ASH1L: variants seen among roughly 807,000 people sequenced by gnomAD.
ASH1L encodes the protein histone-lysine N-methyltransferase ASH1L.
ASH1L carries 23 observed loss-of-function variants against 269.0 expected under a neutral mutation model. The observed-to-expected ratio is 0.09, with a 90% CI of 0.06 to 0.12. The LOEUF (loss-of-function observed/expected upper bound fraction) is 0.12, where lower values mean the gene tolerates loss of function less well. Ranked by LOEUF, ASH1L falls within the 10% of genes least tolerant of loss-of-function variation. The pLI is 1.00. For synonymous variants in ASH1L, 1,187 were observed against 1,253.5 expected (o/e 0.95, Z 1.12); for missense variants, 2,912 against 3,567.8 (o/e 0.82, Z 4.68).
chr1:155,550,998 T>A (rs532270026), intron 1 of ASH1L, among the ~76,000 whole-genome samples: 4 of 152,004 alleles, frequency 2.6e-5, no homozygotes, highest in East Asian at 3.9e-4. Flanking sequence ...ATTTTTAAAA[T>A]TTTTTTAGAG....
Position 155,514,957 on chromosome 1 carries a change from C to A in ASH1L, c.420+6143G>T, listed in dbSNP as rs373344318. 4.8e-4 allele frequency among the ~76,000 whole-genome samples: 73 copies of A among 152,176 alleles called. No homozygotes were observed. The Middle Eastern group carries it at 0.021, about 43-fold the overall frequency. On this transcript the variant is annotated intron_variant, in intron 2 of 27. Transcript: ENST00000392403. ...CAAAAAGTGGATTTTATATCACAAC[C>A]GGCAACAACCAGATCAGTGGTTGGA...
chr1:155,424,995 G>C (rs941191183), intron 5 of ASH1L, among the ~76,000 whole-genome samples: 1 of 151,260 alleles, frequency 6.6e-6, no homozygotes, highest in African/African-American at 2.4e-5. Flanking sequence ...TTTTGAGACA[G>C]AGCCTTACTC....
intron 4 of ASH1L, among the ~76,000 whole-genome samples, chr1:155,451,385 G>A (rs1663455771): frequency 6.6e-6 from 1 of 152,114 alleles, no homozygotes; most frequent in South Asian, 2.1e-4. Flanking sequence ...TTTCAGTTTT[G>A]CAAGATGAAA....
At chr1:155,469,162 C>G (rs1664904733) in intron 3 of ASH1L, among the ~76,000 whole-genome samples, 1 of 151,838 alleles carries the variant, frequency 6.6e-6, no homozygotes, top group Admixed American at 6.6e-5. Flanking sequence ...TCCCATAACA[C>G]TTGACACTCT....
At chr1:155,391,189 A>G (rs1171002255) in intron 7 of ASH1L, among the ~76,000 whole-genome samples, 1 of 151,848 alleles carries the variant, frequency 6.6e-6, no homozygotes, top group Non-Finnish European at 1.5e-5. Context: ...CAGGTGATCC[A>G]CCTGCCTCAG....
At chr1:155,523,401 G>T (rs1430185365) in intron 1 of ASH1L, among the ~76,000 whole-genome samples, 1 of 152,166 alleles carries the variant, frequency 6.6e-6, no homozygotes, top group African/African-American at 2.4e-5. Flanking sequence ...ACTGAGGTGG[G>T]AGATCACTTG....
At chr1:155,484,695 G>A (rs1262553797) in intron 2 of ASH1L, among the ~76,000 whole-genome samples, 2 of 149,434 alleles carry the variant, frequency 1.3e-5, no homozygotes, top group Admixed American at 1.3e-4. Context: ...TTTGGAGGCC[G>A]AGGTGGGCAG....
At chr1:155,494,676 A>G (rs1345400992) in intron 2 of ASH1L, among the ~76,000 whole-genome samples, 1 of 152,222 alleles carries the variant, frequency 6.6e-6, no homozygotes, top group Non-Finnish European at 1.5e-5. Flanking sequence ...ACTTAGAGGA[A>G]GACTGAAAAT....
At chr1:155,409,354 C>T (rs1193111057) in intron 6 of ASH1L, among the ~76,000 whole-genome samples, 2 of 151,986 alleles carry the variant, frequency 1.3e-5, no homozygotes, top group Non-Finnish European at 2.9e-5. Context: ...AATTATTAAA[C>T]TTAGGGAAAA....
At chr1:155,543,876 G>C (rs2148894488) in intron 1 of ASH1L, among the ~76,000 whole-genome samples, 1 of 152,238 alleles carries the variant, frequency 6.6e-6, no homozygotes, top group Admixed American at 6.5e-5. Context: ...TGAGGCTGAG[G>C]CTGCAGTAAG....
At chr1:155,530,137 G>A (rs187228191) in intron 1 of ASH1L, among the ~76,000 whole-genome samples, 372 of 151,650 alleles carry the variant, frequency 2.5e-3, no homozygotes, top group Non-Finnish European at 3.5e-3. Flanking sequence ...TTGTCTAAAC[G>A]TAATTTTACA....
At chr1:155,490,837 C>T (rs1454583911) in intron 2 of ASH1L, among the ~76,000 whole-genome samples, 1 of 151,608 alleles carries the variant, frequency 6.6e-6, no homozygotes, top group South Asian at 2.1e-4. Context: ...GTGGTGCATG[C>T]CTGTAGTTTC....
chr1:155,522,852 G>C (rs1034441359), intron 1 of ASH1L, among the ~76,000 whole-genome samples: 4 of 151,790 alleles, frequency 2.6e-5, no homozygotes, highest in Non-Finnish European at 4.4e-5. Context: ...ATACTCACCC[G>C]GCTAATTTTT....
intron 21 of ASH1L, 140 bp downstream of exon 21, chr1:155,346,238 TTAATG>T: frequency 1.9e-6 from 3 of 1,555,472 alleles, no homozygotes; most frequent in Non-Finnish European, 2.6e-6. Flanking sequence ...ATTATGACCC[TTAATG>T]TAAAGTTTAA....
At chr1:155,409,993 C>T (rs113463100) in intron 6 of ASH1L, among the ~76,000 whole-genome samples, 348 of 151,510 alleles carry the variant, frequency 2.3e-3, no homozygotes, top group African/African-American at 8.0e-3. Flanking sequence ...TGTGAAACCC[C>T]GTCTCTGCTA....
chr1:155,393,812 A>G (rs1658142364), intron 7 of ASH1L, among the ~76,000 whole-genome samples: 1 of 152,088 alleles, frequency 6.6e-6, no homozygotes, highest in African/African-American at 2.4e-5. Context: ...TAGGTCTCCC[A>G]AACTGCTGGG....
chr1:155,434,020 C>T (rs1227078305), intron 5 of ASH1L: 6 of 1,590,074 alleles, frequency 3.8e-6, no homozygotes, highest in Non-Finnish European at 5.1e-6. Context: ...GGTTCTGTAA[C>T]CGGTGCCAGA....
chr1:155,489,584 C>T (rs999524864), intron 2 of ASH1L, among the ~76,000 whole-genome samples: 1 of 151,710 alleles, frequency 6.6e-6, no homozygotes, highest in South Asian at 2.1e-4. Context: ...CAGTGAAACC[C>T]CGTCTTTACG....
intron 2 of ASH1L, among the ~76,000 whole-genome samples, chr1:155,489,994 A>T (rs557349612): frequency 2.7e-5 from 4 of 149,742 alleles, no homozygotes; most frequent in Non-Finnish European, 4.4e-5. Flanking sequence ...TTTGAGACGG[A>T]GTCTCGCTCT....
Sources: allele counts gnomAD v4.1 joint callset (sites outside exome capture counted in the v4.1 genomes callset), GRCh38; gene constraint gnomAD v4.1.1; transcripts MANE v1.5; gene names NCBI Gene and HGNC (gene_info 2026-07-23, HGNC 2026-07-21).